Variants in UBE3D observed in about 807,000 individuals in gnomAD.
UBE3D encodes ubiquitin protein ligase E3D, also known as E3 ubiquitin-protein ligase E3D.
A neutral mutation model predicts 49.6 loss-of-function variants in UBE3D; 48 were observed. The ratio of observed to expected loss-of-function variants is 0.97; its 90% CI spans 0.77 to 1.23. The LOEUF is 1.23. UBE3D is among the 50% of genes most tolerant of loss of function. The probability of loss-of-function intolerance (pLI) is 0.00; values close to 1 mark genes in which losing one functional copy is unlikely to be tolerated. For missense variants in UBE3D, 452 were observed against 468.4 expected, an observed-to-expected ratio of 0.96 and a Z score of 0.32; for synonymous variants, 189 against 174.2, an observed-to-expected ratio of 1.08 and a Z score of -0.67.
At chr6:82,979,467 G>C (rs912921903) in intron 8 of UBE3D, among the ~76,000 whole-genome samples, 1 of 152,124 alleles carries the variant, frequency 6.6e-6, no homozygotes, top group South Asian at 2.1e-4. Context: ...CTCACTGCCA[G>C]GAAGTTCTTT....
Position 83,065,775 on chromosome 6 carries a change from A to G in UBE3D, c.-57T>C, listed in dbSNP as rs899693159. The G allele has an allele frequency of 2.0e-6, 3 of 1,536,294 alleles. No individual in the cohort carries two copies. The highest frequency in any genetic ancestry group is 2.7e-6 in the Non-Finnish European group (3 of 1,128,592). ...TGGAGGTTCCGAGGGGCCCGGGTCA[A>G]CAGGACCAGGAGAGGTTCCACGTGC... is the stretch of plus-strand genomic sequence containing the variant. On this transcript the variant is annotated 5_prime_UTR_variant, in exon 1 of 10. Transcript: ENST00000369747.
At chr6:82,893,282 G>A (rs987516807) in intron 9 of UBE3D, among the ~76,000 whole-genome samples, 3 of 152,094 alleles carry the variant, frequency 2.0e-5, no homozygotes, top group Admixed American at 6.6e-5. Flanking sequence ...GAAAAATAGA[G>A]TTTTAATTGA....
intron 8 of UBE3D, chr6:83,018,293 C>T (rs1009031356): frequency 5.3e-5 from 8 of 152,142 alleles, no homozygotes; most frequent in African/African-American, 1.7e-4. Flanking sequence ...AGATATGGCT[C>T]ACCACTTCAC....
In UBE3D at chr6:83,039,115, C is replaced by G. The variant is rs564133421; in HGVS notation, c.598-630G>C. 3.9e-5 allele frequency among the ~76,000 whole-genome samples: 6 copies of G among 152,324 alleles called. No homozygotes were observed. In the South Asian group the frequency reaches 1.2e-3, roughly 32 times the overall value. On this transcript the variant is annotated intron_variant, in intron 4 of 9. Transcript: ENST00000369747. Reference sequence around the variant, plus strand: ...CTATTTGAGATACAGATTAAAATAGCTAGCATTTGCCTAATCAATAAAGAA... The same window carrying G: ...CTATTTGAGATACAGATTAAAATAGGTAGCATTTGCCTAATCAATAAAGAA...
intron 9 of UBE3D, among the ~76,000 whole-genome samples, chr6:82,931,570 A>G (rs1196792425): frequency 6.6e-6 from 1 of 152,230 alleles, no homozygotes; most frequent in Non-Finnish European, 1.5e-5. Context: ...TGGATGTGAG[A>G]CATGGAGTCA....
At chr6:83,060,631 G>A (rs553621319) in intron 1 of UBE3D, among the ~76,000 whole-genome samples, 106 of 152,206 alleles carry the variant, frequency 7.0e-4, no homozygotes, top group Non-Finnish European at 1.2e-3. Flanking sequence ...TTTAAAAAAC[G>A]AAATGAACAA....
chr6:83,059,107 C>T (rs1481705510), intron 1 of UBE3D, among the ~76,000 whole-genome samples: 1 of 152,008 alleles, frequency 6.6e-6, no homozygotes, highest in Non-Finnish European at 1.5e-5. Context: ...ATCAGCAGGT[C>T]GAGGTAGCTC....
rs116100465 is a variant in UBE3D, at chr6:83,028,355, T to C, written c.668-4317A>G. On this transcript the variant is annotated intron_variant, in intron 5 of 9. Coordinates refer to ENST00000369747, the MANE Select transcript of UBE3D (RefSeq NM_198920.3). ...GAGAATGAGTTTTACAATGAAGATA[T>C]TTCCTTACAAAGGTGATTTTGCCAG... Among the ~76,000 whole-genome samples the C allele has an allele frequency of 4.6e-3, 701 of 152,268 alleles. 8 individuals carry two copies. The highest frequency in any genetic ancestry group is 0.016 in the African/African-American group (662 of 41,546).
At position 83,024,819 on chromosome 6, in the gene UBE3D, A is replaced by C. The variant is rs893554219; in HGVS notation, c.668-781T>G. 6.6e-5 allele frequency among the ~76,000 whole-genome samples: 10 copies of C among 152,136 alleles called. No homozygotes were observed. In the East Asian group the frequency reaches 1.4e-3, roughly 21 times the overall value. ...AGAAAGGCCATGGTTCCCTTTGTGGAAGCCTGGGAGAAAGATTAACGGTAT... is the reference window on the plus strand; with the variant it reads ...AGAAAGGCCATGGTTCCCTTTGTGGCAGCCTGGGAGAAAGATTAACGGTAT... On this transcript the variant is annotated intron_variant, in intron 5 of 9. Transcript: ENST00000369747.
chr6:82,995,495 C>CACACACACACAT (rs1371721491), intron 8 of UBE3D, among the ~76,000 whole-genome samples: 5 of 146,454 alleles, frequency 3.4e-5, no homozygotes, highest in Non-Finnish European at 3.0e-5. Flanking sequence ...AACAATCACA[C>CACACACACACAT]ACACACACAC....
chr6:82,908,695 T>C (rs1452143276), intron 9 of UBE3D, among the ~76,000 whole-genome samples: 1 of 152,202 alleles, frequency 6.6e-6, no homozygotes, highest in East Asian at 1.9e-4. Flanking sequence ...TACATGTTTA[T>C]TAAAAATATT....
At chr6:83,018,179 T>C (rs1010596623) in intron 8 of UBE3D, 3 of 152,194 alleles carry the variant, frequency 2.0e-5, no homozygotes, top group African/African-American at 7.2e-5. Flanking sequence ...GTTCTTAGGA[T>C]AAATTTGATC....
intron 9 of UBE3D, among the ~76,000 whole-genome samples, chr6:82,934,180 G>A (rs769479656): frequency 2.0e-5 from 3 of 152,054 alleles, no homozygotes; most frequent in East Asian, 1.9e-4. Flanking sequence ...CTCACCCACC[G>A]CCATGTAAGA....
intron 9 of UBE3D, among the ~76,000 whole-genome samples, chr6:82,903,770 G>A (rs565658738): frequency 2.6e-5 from 4 of 152,182 alleles, no homozygotes; most frequent in South Asian, 4.1e-4. Context: ...AGAGGGGATC[G>A]CAAAACAGTA....
chr6:82,976,273 G>T (rs1777710867), intron 8 of UBE3D, among the ~76,000 whole-genome samples: 1 of 152,116 alleles, frequency 6.6e-6, no homozygotes, highest in Non-Finnish European at 1.5e-5. Flanking sequence ...TGGTGCTATG[G>T]TCCCATTAGG....
chr6:82,910,652 G>T (rs1016784558), intron 9 of UBE3D, among the ~76,000 whole-genome samples: 2 of 152,162 alleles, frequency 1.3e-5, no homozygotes, highest in African/African-American at 2.4e-5. Flanking sequence ...CATTCCAGAG[G>T]TTCCATGGTG....
chr6:83,053,906 G>A (rs983583760), intron 3 of UBE3D, among the ~76,000 whole-genome samples: 1 of 152,054 alleles, frequency 6.6e-6, no homozygotes, highest in Non-Finnish European at 1.5e-5. Context: ...ACAGGTTTTC[G>A]GCCAAGATAA....
Position 82,904,093 on chromosome 6 carries a change from G to C in UBE3D, c.1150-11051C>G, listed in dbSNP as rs372400196. On this transcript the variant is annotated intron_variant, in intron 9 of 9. Coordinates refer to ENST00000369747, the MANE Select transcript of UBE3D (RefSeq NM_198920.3). ...GTGGCTACCAGGAAGGTGCAGAAAG[G>C]TGAATTCTAATTGATATGAAAAGAC... Among the ~76,000 whole-genome samples, 5 of 152,252 alleles carry C rather than the reference G, an allele frequency of 3.3e-5. No homozygotes were observed. In the East Asian group the frequency reaches 5.8e-4, roughly 18 times the overall value.
Position 83,063,964 on chromosome 6 carries a change from C to T in UBE3D, c.77+1678G>A, listed in dbSNP as rs555664787. On this transcript the variant is annotated intron_variant, in intron 1 of 9. Transcript: ENST00000369747. ...TTATGACAGCTGTATTCATAATAAG[C>T]AAACTCCAGAAACAAGAAAAACATC... Among the ~76,000 whole-genome samples the T allele has an allele frequency of 7.2e-4, 110 of 152,172 alleles. 1 individual carries two copies. Among genetic ancestry groups the T allele is most frequent in the African/African-American group, 2.6e-3 (110 of 41,512 alleles).
Sources: gnomAD v4.1 joint callset for allele counts (sites outside exome capture counted in the v4.1 genomes callset) on GRCh38, gnomAD v4.1.1 for gene constraint, MANE v1.5 for transcripts, NCBI Gene and HGNC (gene_info 2026-07-23, HGNC 2026-07-21) for gene names.